AUTS2: variants seen among roughly 807,000 people sequenced by gnomAD.
The protein encoded by AUTS2 is activator of transcription and developmental regulator AUTS2.
AUTS2 carries 17 observed loss-of-function variants against 112.4 expected under a neutral mutation model. The ratio of observed to expected loss-of-function variants is 0.15; its 90% CI spans 0.10 to 0.23. The LOEUF (loss-of-function observed/expected upper bound fraction) is 0.23, where lower values mean the gene tolerates loss of function less well. Among genes scored for constraint, AUTS2 ranks in the 10% least tolerant of loss-of-function variants. The pLI, the probability that AUTS2 is intolerant of heterozygous loss-of-function variation, is 1.00. For missense variants in AUTS2, 1,510 were observed against 1,701.6 expected (o/e 0.89, Z 1.98); for synonymous variants, 751 against 702.7 (o/e 1.07, Z -1.09).
intron 5 of AUTS2, among the ~76,000 whole-genome samples, chr7:70,684,961 A>G (rs1050969859): frequency 1.3e-5 from 2 of 152,138 alleles, no homozygotes; most frequent in East Asian, 3.9e-4. Flanking sequence ...GAATCTTAGA[A>G]CCAGTAAATG....
chr7:69,807,906 G>A (rs1302156504), intron 1 of AUTS2, among the ~76,000 whole-genome samples: 1 of 151,094 alleles, frequency 6.6e-6, no homozygotes, highest in East Asian at 1.9e-4. Flanking sequence ...ATTAATGGCA[G>A]CCTGCACTCA....
chr7:69,625,873 G>GAA (rs1326265215), intron 1 of AUTS2, among the ~76,000 whole-genome samples: 1 of 151,720 alleles, frequency 6.6e-6, no homozygotes, highest in Non-Finnish European at 1.5e-5. Flanking sequence ...GAAAAGAAAA[G>GAA]AAAAAGACAG....
At chr7:69,863,089 G>A (rs1793065599) in intron 1 of AUTS2, among the ~76,000 whole-genome samples, 1 of 152,064 alleles carries the variant, frequency 6.6e-6, no homozygotes, top group African/African-American at 2.4e-5. Flanking sequence ...GTGATAGGGT[G>A]TACATTCTTA....
At chr7:69,928,261 A>G (rs1796098706) in intron 2 of AUTS2, among the ~76,000 whole-genome samples, 1 of 152,152 alleles carries the variant, frequency 6.6e-6, no homozygotes, top group Non-Finnish European at 1.5e-5. Flanking sequence ...AAAAAGCACC[A>G]TTCTAGTGGC....
chr7:69,854,135 G>A (rs939654575), intron 1 of AUTS2, among the ~76,000 whole-genome samples: 6 of 151,988 alleles, frequency 3.9e-5, no homozygotes, highest in African/African-American at 9.7e-5. Context: ...CCCTAATACC[G>A]ATTATAAGTC....
At position 70,771,531 on chromosome 7, in the gene AUTS2, C is replaced by T. The variant is rs1367373226; in HGVS notation, c.1735-18C>T. The T allele has an allele frequency of 6.3e-7, 1 of 1,592,906 alleles. No individual in the cohort carries two copies. The highest frequency in any genetic ancestry group is 1.7e-5 in the Admixed American group (1 of 57,976). On this transcript the variant is annotated intron_variant, in intron 10 of 18. Transcript: ENST00000342771. ...TCCTACTAAAATCTTTTTTCCCCCTCTCCGTCTTTGGCCACAGCTCTTCCA... is the reference window on the plus strand; with the variant it reads ...TCCTACTAAAATCTTTTTTCCCCCTTTCCGTCTTTGGCCACAGCTCTTCCA...
intron 1 of AUTS2, among the ~76,000 whole-genome samples, chr7:69,716,802 G>C (rs1167004065): frequency 6.6e-6 from 1 of 152,042 alleles, no homozygotes; most frequent in Non-Finnish European, 1.5e-5. Context: ...TTAATTTGCT[G>C]GAGTGACTCA....
At chr7:70,404,308 G>A (rs1217556620) in intron 4 of AUTS2, among the ~76,000 whole-genome samples, 1 of 152,124 alleles carries the variant, frequency 6.6e-6, no homozygotes, top group Non-Finnish European at 1.5e-5. Context: ...TTGTCATCCA[G>A]TTTCCTAAAT....
chr7:70,028,396 G>A (rs1460136716), intron 2 of AUTS2, among the ~76,000 whole-genome samples: 1 of 152,182 alleles, frequency 6.6e-6, no homozygotes, highest in Non-Finnish European at 1.5e-5. Flanking sequence ...TGTCCTGGTC[G>A]ATTCCCTTAG....
At chr7:70,688,653 C>T (rs1808589800) in intron 5 of AUTS2, among the ~76,000 whole-genome samples, 1 of 152,062 alleles carries the variant, frequency 6.6e-6, no homozygotes, top group Non-Finnish European at 1.5e-5. Flanking sequence ...GATAAAGAGA[C>T]CCTGTCTCTA....
chr7:70,127,354 G>C (rs975664017), intron 3 of AUTS2, among the ~76,000 whole-genome samples: 5 of 151,954 alleles, frequency 3.3e-5, no homozygotes, highest in Non-Finnish European at 7.4e-5. Context: ...GGCTGGTCTC[G>C]AGCTCCTGGC....
chr7:70,273,338 T>C (rs915493429), intron 4 of AUTS2, among the ~76,000 whole-genome samples: 1 of 152,142 alleles, frequency 6.6e-6, no homozygotes, highest in African/African-American at 2.4e-5. Context: ...ATACAACATA[T>C]GATTGATTTT....
intron 1 of AUTS2, among the ~76,000 whole-genome samples, chr7:69,731,669 A>T (rs1786799876): frequency 6.6e-6 from 1 of 152,178 alleles, no homozygotes; most frequent in African/African-American, 2.4e-5. Flanking sequence ...TCATGGCTTC[A>T]AGAGGTTGTT....
Position 70,785,241 on chromosome 7 carries a change from G to A in AUTS2, c.2224+222G>A, listed in dbSNP as rs149336761. 8.5e-5 allele frequency among the ~76,000 whole-genome samples: 13 copies of A among 152,294 alleles called. No homozygotes were observed. The East Asian group carries it at 1.5e-3, about 18-fold the overall frequency. On this transcript the variant is annotated intron_variant, in intron 16 of 18. Coordinates refer to ENST00000342771, the MANE Select transcript of AUTS2 (RefSeq NM_015570.4). ...TTCTTTCGGTAGTAGAGCTGTGCTC[G>A]GCAGTGGTTCTGCCTGAACTTCCCA...
chr7:70,595,583 T>C (rs1479763209), intron 5 of AUTS2, among the ~76,000 whole-genome samples: 1 of 152,056 alleles, frequency 6.6e-6, no homozygotes, highest in South Asian at 2.1e-4. Context: ...CTGGTCTCTT[T>C]AGAAAGACTA....
At chr7:70,734,258 T>A (rs1787642920) in intron 6 of AUTS2, among the ~76,000 whole-genome samples, 1 of 151,734 alleles carries the variant, frequency 6.6e-6, no homozygotes, top group Non-Finnish European at 1.5e-5. Flanking sequence ...GCTAACACAG[T>A]GAAACCCCGT....
At chr7:69,911,224 A>G (rs1795343112) in intron 2 of AUTS2, among the ~76,000 whole-genome samples, 1 of 152,196 alleles carries the variant, frequency 6.6e-6, no homozygotes, top group Admixed American at 6.5e-5. Flanking sequence ...TGGCTGGACA[A>G]GATGTACTGC....
At chr7:70,101,442 C>T (rs1297130256) in intron 2 of AUTS2, among the ~76,000 whole-genome samples, 2 of 151,584 alleles carry the variant, frequency 1.3e-5, no homozygotes, top group African/African-American at 4.8e-5. Context: ...TGCCTGTAAT[C>T]CCAGCATTTT....
At chr7:70,698,161 G>A (rs1443271638) in intron 5 of AUTS2, among the ~76,000 whole-genome samples, 1 of 152,126 alleles carries the variant, frequency 6.6e-6, no homozygotes, top group African/African-American at 2.4e-5. Context: ...TTAAATAATA[G>A]GCATTTCTGA....
Sources: gnomAD v4.1 joint callset for allele counts (sites outside exome capture counted in the v4.1 genomes callset) on GRCh38, gnomAD v4.1.1 for gene constraint, MANE v1.5 for transcripts, NCBI Gene and HGNC (gene_info 2026-07-23, HGNC 2026-07-21) for gene names.